Variants in GTF2F2 observed in about 807,000 individuals in gnomAD.
The protein encoded by GTF2F2 is general transcription factor IIF subunit 2.
GTF2F2 carries 23 observed loss-of-function variants against 42.2 expected under a neutral mutation model. That is an observed-to-expected ratio of 0.55 (90% CI 0.39 to 0.77). GTF2F2 has a LOEUF of 0.77. Ranked by LOEUF, GTF2F2 falls within the 30% of genes least tolerant of loss-of-function variation. The pLI, the probability that GTF2F2 is intolerant of heterozygous loss-of-function variation, is 0.00. For synonymous variants in GTF2F2, 105 were observed against 100.8 expected, an observed-to-expected ratio of 1.04 and a Z score of -0.25; for missense variants, 261 against 287.2, an observed-to-expected ratio of 0.91 and a Z score of 0.66.
intron 6 of GTF2F2, among the ~76,000 whole-genome samples, chr13:45,257,743 T>C (rs966299722): frequency 1.3e-5 from 2 of 152,196 alleles, no homozygotes; most frequent in Non-Finnish European, 2.9e-5. Context: ...GGAAAGAAAC[T>C]GAGCTTTAGA....
At chr13:45,191,220 A>AT (rs1555267754) in intron 4 of GTF2F2, among the ~76,000 whole-genome samples, 2 of 75,210 alleles carry the variant, frequency 2.7e-5, no homozygotes, top group African/African-American at 1.3e-4. Context: ...AAATACAAAA[A>AT]AAAAATATAT....
chr13:45,236,901 A>G (rs905216186), intron 5 of GTF2F2, among the ~76,000 whole-genome samples: 4 of 152,210 alleles, frequency 2.6e-5, no homozygotes, highest in African/African-American at 7.2e-5. Flanking sequence ...TAATATGACG[A>G]GGAATATTGA....
At chr13:45,160,392 G>C (rs981013615) in intron 4 of GTF2F2, among the ~76,000 whole-genome samples, 2 of 152,184 alleles carry the variant, frequency 1.3e-5, no homozygotes, top group East Asian at 3.8e-4. Context: ...AACTCTGCAA[G>C]TGGTAGTTTC....
At chr13:45,152,345 TGA>T (rs1418213199) in intron 4 of GTF2F2, among the ~76,000 whole-genome samples, 1 of 152,218 alleles carries the variant, frequency 6.6e-6, no homozygotes, top group Non-Finnish European at 1.5e-5. Flanking sequence ...GGCCATTACT[TGA>T]GAAGGGTTTA....
intron 7 of GTF2F2, among the ~76,000 whole-genome samples, chr13:45,281,422 A>G (rs959509686): frequency 6.6e-6 from 1 of 152,256 alleles, no homozygotes; most frequent in African/African-American, 2.4e-5. Context: ...GTAAAGTGGC[A>G]TTAGATTATG....
intron 4 of GTF2F2, among the ~76,000 whole-genome samples, chr13:45,183,317 A>G (rs1176882935): frequency 6.6e-6 from 1 of 152,116 alleles, no homozygotes; most frequent in Non-Finnish European, 1.5e-5. Flanking sequence ...GGAAGTTCCT[A>G]GGTAAGAAGT....
intron 1 of GTF2F2, among the ~76,000 whole-genome samples, chr13:45,127,555 C>CA (rs1426420407): frequency 6.6e-6 from 1 of 150,918 alleles, no homozygotes; most frequent in Non-Finnish European, 1.5e-5. Flanking sequence ...TCTCAAATTC[C>CA]TGGACTCAAG....
chr13:45,232,728 T>C (rs1874748852), intron 5 of GTF2F2, among the ~76,000 whole-genome samples: 2 of 152,250 alleles, frequency 1.3e-5, no homozygotes, highest in African/African-American at 4.8e-5. Context: ...TTGAACTGCA[T>C]TACCTCATTC....
At chr13:45,153,240 G>T (rs969992594) in intron 4 of GTF2F2, among the ~76,000 whole-genome samples, 1 of 150,962 alleles carries the variant, frequency 6.6e-6, no homozygotes. Flanking sequence ...GGATGGTCTC[G>T]ATCTCCTGAC....
At chr13:45,129,412 G>T (rs1869219407) in intron 1 of GTF2F2, among the ~76,000 whole-genome samples, 1 of 152,046 alleles carries the variant, frequency 6.6e-6, no homozygotes, top group African/African-American at 2.4e-5. Context: ...GTTTTGCAAT[G>T]TTGCCCAGGC....
At chr13:45,122,752 A>G (rs1868724137) in intron 1 of GTF2F2, among the ~76,000 whole-genome samples, 2 of 152,222 alleles carry the variant, frequency 1.3e-5, no homozygotes, top group Non-Finnish European at 2.9e-5. Context: ...TTCTCCTTAC[A>G]TTAATTTTCC....
intron 4 of GTF2F2, among the ~76,000 whole-genome samples, chr13:45,158,507 CT>C (rs916746549): frequency 6.6e-6 from 1 of 152,224 alleles, no homozygotes; most frequent in African/African-American, 2.4e-5. Context: ...CATCCCCAGC[CT>C]TTTTCCAGCC....
chr13:45,253,028 T>C, intron 6 of GTF2F2, 58 bp downstream of exon 6: 1 of 749,584 alleles, frequency 1.3e-6, no homozygotes, highest in Non-Finnish European at 2.1e-6. Flanking sequence ...TTCTGTATCA[T>C]AGAGTCTTAG....
chr13:45,173,417 T>G (rs2138146989), intron 4 of GTF2F2, among the ~76,000 whole-genome samples: 1 of 151,640 alleles, frequency 6.6e-6, no homozygotes, highest in Non-Finnish European at 1.5e-5. Flanking sequence ...TTCATGCAGT[T>G]TTGTCACGTG....
intron 5 of GTF2F2, among the ~76,000 whole-genome samples, chr13:45,218,516 G>A (rs1873979922): frequency 1.3e-5 from 2 of 152,178 alleles, no homozygotes; most frequent in Admixed American, 1.3e-4. Flanking sequence ...AAAACAGGCT[G>A]ATCTAGGAAG....
chr13:45,194,258 AC>A, intron 4 of GTF2F2: 1 of 1,614,030 alleles, frequency 6.2e-7, no homozygotes, highest in Non-Finnish European at 8.5e-7. Flanking sequence ...TTTTCTCGAA[AC>A]CCTTCGGGCA....
intron 4 of GTF2F2, among the ~76,000 whole-genome samples, chr13:45,152,476 T>G (rs1446581052): frequency 6.6e-6 from 1 of 152,250 alleles, no homozygotes; most frequent in Non-Finnish European, 1.5e-5. Context: ...AAGGTCATCC[T>G]TGCTTGTTTT....
At chr13:45,186,023 G>A (rs1441843977) in intron 4 of GTF2F2, among the ~76,000 whole-genome samples, 3 of 151,750 alleles carry the variant, frequency 2.0e-5, no homozygotes, top group African/African-American at 4.8e-5. Context: ...AGCCCAGGCT[G>A]GAGTGCAGTG....
At chr13:45,157,515 TC>T (rs112349102) in intron 4 of GTF2F2, among the ~76,000 whole-genome samples, 4,334 of 152,170 alleles carry the variant, frequency 0.028, 188 homozygotes, top group African/African-American at 0.092. Context: ...CTTATAGTAA[TC>T]CAGGGGAGAC....
Sources: allele counts gnomAD v4.1 joint callset (sites outside exome capture counted in the v4.1 genomes callset), GRCh38; gene constraint gnomAD v4.1.1; transcripts MANE v1.5; gene names NCBI Gene and HGNC (gene_info 2026-07-23, HGNC 2026-07-21).